Variants in RAP1GAP2 observed in about 807,000 individuals in gnomAD.
The protein encoded by RAP1GAP2 is rap1 GTPase-activating protein 2.
RAP1GAP2 carries 27 observed loss-of-function variants against 95.0 expected under a neutral mutation model. That is an observed-to-expected ratio of 0.28 (90% CI 0.21 to 0.39). RAP1GAP2 has a LOEUF of 0.39. Among genes scored for constraint, RAP1GAP2 ranks in the 10% least tolerant of loss-of-function variants. The pLI is 1.00. For missense variants in RAP1GAP2, 771 were observed against 970.0 expected (o/e 0.79, Z 2.72); for synonymous variants, 373 against 380.9 (o/e 0.98, Z 0.24).
intron 17 of RAP1GAP2, among the ~76,000 whole-genome samples, chr17:3,016,022 G>A (rs1421626777): frequency 6.6e-6 from 1 of 152,118 alleles, no homozygotes; most frequent in African/African-American, 2.4e-5. Context: ...AGCCTCCCTC[G>A]ACTAGCTCAC....
At chr17:2,890,791 TCTC>T in intron 2 of RAP1GAP2, among the ~76,000 whole-genome samples, 1 of 151,392 alleles carries the variant, frequency 6.6e-6, no homozygotes, top group South Asian at 2.1e-4. Flanking sequence ...TTCACACCAT[TCTC>T]CTGTCTCAGC....
At chr17:2,779,084 A>G (rs12600878) in intron 1 of RAP1GAP2, among the ~76,000 whole-genome samples, 58,945 of 152,024 alleles carry the variant, frequency 0.39, 11,760 homozygotes, top group East Asian at 0.63. Context: ...GACATGAAGC[A>G]CTGTCCCATT....
chr17:2,787,586 G>T (rs2068817312), intron 1 of RAP1GAP2, among the ~76,000 whole-genome samples: 2 of 151,676 alleles, frequency 1.3e-5, no homozygotes, highest in Non-Finnish European at 2.9e-5. Context: ...TGTTTTTTTT[G>T]AGATGGAGTC....
intron 8 of RAP1GAP2, among the ~76,000 whole-genome samples, chr17:2,968,801 G>C (rs2044724343): frequency 6.6e-6 from 1 of 151,904 alleles, no homozygotes; most frequent in African/African-American, 2.4e-5. Flanking sequence ...TTTTATTAAA[G>C]AAAGTAACTC....
At chr17:2,821,216 TTC>T (rs1378697028) in intron 2 of RAP1GAP2, among the ~76,000 whole-genome samples, 1 of 152,092 alleles carries the variant, frequency 6.6e-6, no homozygotes, top group African/African-American at 2.4e-5. Context: ...TATTGCTACA[TTC>T]TTTTTTCCCC....
chr17:2,773,366 G>A (rs2068435022), upstream of RAP1GAP2, among the ~76,000 whole-genome samples: 1 of 152,164 alleles, frequency 6.6e-6, no homozygotes. Flanking sequence ...ATTAGACCGG[G>A]GGTGGAGCAG....
At chr17:2,760,292 C>CAAAAAAAAA (rs374784170) in intron 1 of RAP1GAP2, among the ~76,000 whole-genome samples, 1 of 59,242 alleles carries the variant, frequency 1.7e-5, no homozygotes, top group Non-Finnish European at 3.3e-5. Flanking sequence ...GACTCTGTCT[C>CAAAAAAAAA]AAAAAAAAAA....
In RAP1GAP2 at chr17:2,895,669, C is replaced by T. The variant is rs561872431; in HGVS notation, c.81-9615C>T. On this transcript the variant is annotated intron_variant, in intron 2 of 24. Transcript: ENST00000254695. Reference sequence around the variant, plus strand: ...TCGGCTTACTGCAACCTCCGCCTCCCGGGTTCAAGCAATTCTCCTGCCTCA... The same window carrying T: ...TCGGCTTACTGCAACCTCCGCCTCCTGGGTTCAAGCAATTCTCCTGCCTCA... Among the ~76,000 whole-genome samples the T allele has an allele frequency of 5.1e-3, 769 of 152,012 alleles. 2 individuals are homozygous for T. The highest frequency in any genetic ancestry group is 0.01 in the South Asian group (49 of 4,808).
intron 14 of RAP1GAP2, among the ~76,000 whole-genome samples, chr17:3,001,700 TGAAGAGGAA>T (rs1420649112): frequency 6.6e-6 from 1 of 152,254 alleles, no homozygotes; most frequent in Non-Finnish European, 1.5e-5. Context: ...AATAGACAGT[TGAAGAGGAA>T]GAACTACTGG....
At chr17:2,789,062 A>T (rs567527570) in intron 1 of RAP1GAP2, among the ~76,000 whole-genome samples, 115 of 151,922 alleles carry the variant, frequency 7.6e-4, no homozygotes, top group African/African-American at 2.7e-3. Context: ...ACAATTATCA[A>T]TTTTTTCTTT....
chr17:2,889,902 T>G (rs2073647383), intron 2 of RAP1GAP2, among the ~76,000 whole-genome samples: 1 of 142,236 alleles, frequency 7.0e-6, no homozygotes. Context: ...TTTTTTTTTT[T>G]TTGTAGAGAT....
chr17:3,007,903 G>A, intron 16 of RAP1GAP2, 108 bp from the exon 17 acceptor site: 2 of 1,361,320 alleles, frequency 1.5e-6, no homozygotes, highest in Non-Finnish European at 2.0e-6. Flanking sequence ...TGCTGGGCCG[G>A]GCTGGGCAGA....
Position 2,963,843 on chromosome 17 carries a change from C to T in RAP1GAP2, c.280-13C>T. On this transcript the variant is annotated splice_polypyrimidine_tract_variant and intron_variant, in intron 6 of 24. Coordinates refer to ENST00000254695, the MANE Select transcript of RAP1GAP2 (RefSeq NM_015085.5). This position sits in a 1 kb window ranked among gnomAD's most constrained non-coding sequence, Gnocchi z 4.8. ...GGTCCCAGGGGAGCGCACGACCCTC[C>T]CTCTGCCTTCAGGTTGTGGAGAAGG... 6.3e-7 allele frequency: 1 copy of T among 1,578,448 alleles called. No individual in the cohort carries two copies. Among genetic ancestry groups the T allele is most frequent in the Middle Eastern group, 1.8e-4 (1 of 5,608 alleles).
chr17:2,804,221 G>A (rs1200779535), intron 2 of RAP1GAP2, among the ~76,000 whole-genome samples: 5 of 152,214 alleles, frequency 3.3e-5, no homozygotes, highest in African/African-American at 4.8e-5. Context: ...GGTGTCCTTG[G>A]TGCCTCCCCA....
intron 2 of RAP1GAP2, among the ~76,000 whole-genome samples, chr17:2,814,410 C>T (rs1196445926): frequency 6.6e-6 from 1 of 152,164 alleles, no homozygotes; most frequent in African/African-American, 2.4e-5. Context: ...TCCCTGTCAG[C>T]ATCAGGGTCA....
chr17:2,834,809 G>C (rs1170973828), intron 2 of RAP1GAP2, among the ~76,000 whole-genome samples: 2 of 151,648 alleles, frequency 1.3e-5, no homozygotes, highest in African/African-American at 4.8e-5. Context: ...AAAAAAGAAA[G>C]GACCATCTCA....
chr17:2,760,824 A>G (rs550594662), intron 1 of RAP1GAP2, among the ~76,000 whole-genome samples: 2 of 152,258 alleles, frequency 1.3e-5, no homozygotes, highest in African/African-American at 4.8e-5. Flanking sequence ...TTTGAGGAGT[A>G]CTGCTCATAT....
At chr17:3,019,546 GA>G (rs2046884768) in intron 18 of RAP1GAP2, among the ~76,000 whole-genome samples, 2 of 152,276 alleles carry the variant, frequency 1.3e-5, no homozygotes, top group Non-Finnish European at 2.9e-5. Flanking sequence ...AGTGGCTTTG[GA>G]TTTGTATAGA....
At chr17:2,953,736 A>G (rs1350769227) in intron 3 of RAP1GAP2, among the ~76,000 whole-genome samples, 1 of 151,960 alleles carries the variant, frequency 6.6e-6, no homozygotes, top group Non-Finnish European at 1.5e-5. Flanking sequence ...AATCCCAGCT[A>G]CTCCGGAGGC....
Sources: gnomAD v4.1 joint callset for allele counts (sites outside exome capture counted in the v4.1 genomes callset) on GRCh38, gnomAD v4.1.1 for gene constraint, Gnocchi (gnomAD v3.1) non-coding constraint, MANE v1.5 for transcripts, NCBI Gene and HGNC (gene_info 2026-07-23, HGNC 2026-07-21) for gene names.